The following SUMF1 variants were observed in gnomAD, a reference collection of about 807,000 sequenced individuals.
The protein encoded by SUMF1 is formylglycine-generating enzyme.
Under a neutral mutation model 47.6 loss-of-function variants are expected in SUMF1, and 48 were observed. The ratio of observed to expected loss-of-function variants is 1.01; its 90% CI spans 0.80 to 1.28. SUMF1 has a LOEUF of 1.28. Among genes scored for constraint, SUMF1 ranks in the 50% most tolerant of loss-of-function variants. The probability of loss-of-function intolerance (pLI) is 0.00; values close to 1 mark genes in which losing one functional copy is unlikely to be tolerated. For missense variants in SUMF1, 571 were observed against 485.4 expected, an observed-to-expected ratio of 1.18 and a Z score of -1.66; for synonymous variants, 230 against 192.1, an observed-to-expected ratio of 1.20 and a Z score of -1.63.
intron 1 of SUMF1, among the ~76,000 whole-genome samples, chr3:4,463,387 G>A (rs1213084735): frequency 6.6e-6 from 1 of 152,218 alleles, no homozygotes; most frequent in Non-Finnish European, 1.5e-5. Flanking sequence ...CTACTTGGGA[G>A]GCTGAGGCAG....
At chr3:4,120,081 T>C (rs1343794291) in intron 8 of SUMF1, among the ~76,000 whole-genome samples, 1 of 152,160 alleles carries the variant, frequency 6.6e-6, no homozygotes, top group African/African-American at 2.4e-5. Context: ...AGGCACAATG[T>C]TCCTAAATAG....
chr3:4,090,665 A>C (rs1469535574), intron 8 of SUMF1, among the ~76,000 whole-genome samples: 1 of 152,114 alleles, frequency 6.6e-6, no homozygotes, highest in Non-Finnish European at 1.5e-5. Context: ...TTTGTTTTTG[A>C]ACTGCATGGT....
chr3:4,196,100 A>T (rs1039088381), intron 8 of SUMF1, among the ~76,000 whole-genome samples: 9 of 152,156 alleles, frequency 5.9e-5, no homozygotes, highest in Non-Finnish European at 1.5e-5. Flanking sequence ...ACACATGCCT[A>T]TGGTGACTTA....
intron 8 of SUMF1, among the ~76,000 whole-genome samples, chr3:4,196,320 C>G (rs1695428723): frequency 6.6e-6 from 1 of 152,010 alleles, no homozygotes. Flanking sequence ...ATCTCTAAAC[C>G]AAAATCCTAC....
chr3:4,456,203 T>C (rs935634475), intron 1 of SUMF1, among the ~76,000 whole-genome samples: 1 of 152,172 alleles, frequency 6.6e-6, no homozygotes, highest in Non-Finnish European at 1.5e-5. Context: ...AGTTAGGCAT[T>C]GAAGGAATGT....
At chr3:4,208,239 T>C (rs1695695956) in intron 8 of SUMF1, among the ~76,000 whole-genome samples, 1 of 152,048 alleles carries the variant, frequency 6.6e-6, no homozygotes, top group African/African-American at 2.4e-5. Context: ...CAGCCCCCTC[T>C]AGCCATCCTG....
At position 4,422,197 on chromosome 3, in the gene SUMF1, G is replaced by A. The variant is rs4685748; in HGVS notation, c.520-2051C>T. ...CTCTGGGGGCTGTTCTCACTGACTG[G>A]GCTGTGCAGGTTTAGGTGCCCATGA... On this transcript the variant is annotated intron_variant, in intron 3 of 8. Coordinates refer to ENST00000272902, the MANE Select transcript of SUMF1 (RefSeq NM_182760.4). 2.3e-3 allele frequency among the ~76,000 whole-genome samples: 348 copies of A among 152,122 alleles called. 6 individuals carry two copies. The highest frequency in any genetic ancestry group is 0.021 in the Admixed American group (317 of 15,278).
rs144671159 is a variant in SUMF1, at chr3:4,232,203, T to C, written c.1014+144127A>G. Among the ~76,000 whole-genome samples, 4 of 152,116 alleles carry C rather than the reference T, an allele frequency of 2.6e-5. No homozygotes were observed. In the East Asian group the frequency reaches 7.8e-4, roughly 30 times the overall value. On this transcript the variant is annotated intron_variant and NMD_transcript_variant, in intron 8 of 12. Transcript: ENST00000448413. ...TGGGGCAGGAGAGTGTCAGACCCAA[T>C]AGGAGCCTGGAAGAGCAGGCTTAGA...
chr3:4,423,279 TACAC>T (rs56729932), intron 3 of SUMF1, among the ~76,000 whole-genome samples: 4,730 of 147,134 alleles, frequency 0.032, 218 homozygotes, highest in African/African-American at 0.1. Context: ...GAAACTGTGA[TACAC>T]ACACACACAC....
At chr3:4,380,510 C>A (rs143745560) in intron 7 of SUMF1, among the ~76,000 whole-genome samples, 7 of 152,138 alleles carry the variant, frequency 4.6e-5, no homozygotes, top group Non-Finnish European at 1.0e-4. Context: ...ATTATCTACA[C>A]CAAACCCCCA....
chr3:4,042,418 G>C (rs1694924902), intron 9 of SUMF1, among the ~76,000 whole-genome samples: 1 of 152,010 alleles, frequency 6.6e-6, no homozygotes, highest in South Asian at 2.1e-4. Context: ...TCGTATACCT[G>C]ACAAGAAACA....
chr3:4,245,175 G>T (rs1218147582), intron 8 of SUMF1, among the ~76,000 whole-genome samples: 1 of 151,938 alleles, frequency 6.6e-6, no homozygotes, highest in African/African-American at 2.4e-5. Flanking sequence ...CCTTGCTATG[G>T]GTTGGAACAT....
chr3:4,316,287 G>T, intron 8 of SUMF1: 1 of 997,558 alleles, frequency 1.0e-6, no homozygotes, highest in East Asian at 2.6e-5. Context: ...TCGTAAAGCA[G>T]CAGAAACAAC....
chr3:4,177,252 C>T (rs1694986866), intron 8 of SUMF1, among the ~76,000 whole-genome samples: 1 of 152,188 alleles, frequency 6.6e-6, no homozygotes. Flanking sequence ...CTCAGTACCA[C>T]ATCACAGTTA....
chr3:4,139,558 A>C (rs111710091), intron 8 of SUMF1, among the ~76,000 whole-genome samples: 1,406 of 59,566 alleles, frequency 0.024, 22 homozygotes, highest in African/African-American at 0.056. Context: ...TAATAAACTT[A>C]TATATATGCA....
chr3:4,289,887 T>G (rs1697706991), intron 8 of SUMF1, among the ~76,000 whole-genome samples: 1 of 152,230 alleles, frequency 6.6e-6, no homozygotes. Context: ...TGAATGACTC[T>G]AGCATCAAAT....
chr3:4,439,619 T>C (rs1002358377), intron 3 of SUMF1, among the ~76,000 whole-genome samples: 1 of 152,204 alleles, frequency 6.6e-6, no homozygotes, highest in Non-Finnish European at 1.5e-5. Flanking sequence ...AAGGCTATCT[T>C]TTCCTTATGA....
intron 8 of SUMF1, chr3:4,312,780 G>A: frequency 1.7e-6 from 2 of 1,203,008 alleles, no homozygotes; most frequent in East Asian, 2.4e-5. Context: ...TGTTTTGACA[G>A]TTTTGTCCTG....
At chr3:4,365,745 T>C (rs1198767945) in intron 8 of SUMF1, among the ~76,000 whole-genome samples, 3 of 149,662 alleles carry the variant, frequency 2.0e-5, no homozygotes, top group East Asian at 2.0e-4. Context: ...ATGTGTGAAT[T>C]TGATCCTGTC....
Sources: allele counts gnomAD v4.1 joint callset (sites outside exome capture counted in the v4.1 genomes callset), GRCh38; gene constraint gnomAD v4.1.1; transcripts MANE v1.5; gene names NCBI Gene and HGNC (gene_info 2026-07-23, HGNC 2026-07-21).